The following IPO11 variants were observed in gnomAD, a reference collection of about 807,000 sequenced individuals.
IPO11 encodes the protein importin-11.
In IPO11, 66 loss-of-function variants were observed where a neutral mutation model predicts 143.2. That is an observed-to-expected ratio of 0.46 (90% CI 0.38 to 0.57). The LOEUF (loss-of-function observed/expected upper bound fraction) is 0.57, where lower values mean the gene tolerates loss of function less well. Among genes scored for constraint, IPO11 ranks in the 20% least tolerant of loss-of-function variants. The pLI is 0.00. For synonymous variants in IPO11, 385 were observed against 377.8 expected, an observed-to-expected ratio of 1.02 and a Z score of -0.22; for missense variants, 1,026 against 1,141.0, an observed-to-expected ratio of 0.90 and a Z score of 1.45.
At chr5:62,494,301 C>CT (rs1741051176) in intron 16 of IPO11, among the ~76,000 whole-genome samples, 177 bp downstream of exon 16, 1 of 151,684 alleles carries the variant, frequency 6.6e-6, no homozygotes, top group Non-Finnish European at 1.5e-5. Flanking sequence ...CTTGTTTGCC[C>CT]TTCCCATTAC....
chr5:62,441,163 TGTTGA>T (rs767398511), intron 2 of IPO11, among the ~76,000 whole-genome samples: 6 of 152,172 alleles, frequency 3.9e-5, no homozygotes, highest in Non-Finnish European at 7.4e-5. Context: ...TAATGGTTAA[TGTTGA>T]GTTGAGATTA....
chr5:62,596,799 G>C (rs1385108745), intron 28 of IPO11, among the ~76,000 whole-genome samples: 2 of 152,006 alleles, frequency 1.3e-5, no homozygotes, highest in East Asian at 3.9e-4. Flanking sequence ...ATTAAAAGCT[G>C]AGTTTCTTAC....
At chr5:62,437,010 C>A (rs1485736556) in intron 1 of IPO11, among the ~76,000 whole-genome samples, 3 of 152,004 alleles carry the variant, frequency 2.0e-5, no homozygotes, top group African/African-American at 7.2e-5. Flanking sequence ...GTGTATCTCC[C>A]CTCCCTCAAT....
chr5:62,565,252 G>A (rs993466189), intron 27 of IPO11, among the ~76,000 whole-genome samples: 4 of 152,180 alleles, frequency 2.6e-5, no homozygotes, highest in Admixed American at 6.6e-5. Flanking sequence ...TTTGGAGGCC[G>A]AGGCAGGCAG....
Position 62,474,443 on chromosome 5 carries a change from C to T in IPO11, c.736C>T (p.Leu246=), listed in dbSNP as rs142408263. The change falls in exon 8 of 30, where the codon CTA becomes TTA. Residue 246 remains leucine (L), a synonymous_variant. Coordinates refer to ENST00000325324, the MANE Select transcript of IPO11 (RefSeq NM_016338.5). ...TTTTTTACATGGAATATTTGAACGT[C>T]TAAAACAGTTTCTGGAATGCAGTAA... is the stretch of plus-strand genomic sequence containing the variant. ...MGFLHGIFER[L]KQFLECSRSI... is the part of the protein sequence containing the mutation. 3.5e-4 allele frequency: 547 copies of T among 1,575,852 alleles called. 3 individuals are homozygous for T. In the African/African-American group the frequency reaches 6.6e-3, roughly 19 times the overall value.
chr5:62,566,136 A>G (rs1231238090), intron 27 of IPO11, among the ~76,000 whole-genome samples: 2 of 152,168 alleles, frequency 1.3e-5, no homozygotes, highest in African/African-American at 2.4e-5. Context: ...TCCTTTTGGT[A>G]TATACCCAGT....
In IPO11 at chr5:62,511,602, A is replaced by T. The variant is rs960636022; in HGVS notation, c.1783-3786A>T. ...CACAGGAGAGGGGAGCAAATTCTGT[A>T]GTTGTTTGGCTACCCTTTTAGAGTA... is the stretch of plus-strand genomic sequence containing the variant. On this transcript the variant is annotated intron_variant, in intron 19 of 29. Coordinates refer to ENST00000325324, the MANE Select transcript of IPO11 (RefSeq NM_016338.5). Among the ~76,000 whole-genome samples the T allele has an allele frequency of 2.0e-5, 3 of 152,316 alleles. No homozygotes were observed. In the East Asian group the frequency reaches 5.8e-4, roughly 29 times the overall value.
rs543410791 is a variant in IPO11, at chr5:62,474,347, C to G, written c.709-69C>G. 5.4e-6 allele frequency: 5 copies of G among 927,900 alleles called. No homozygotes were observed. In the African/African-American group the frequency reaches 7.0e-5, roughly 13 times the overall value. 57.5% of individuals were successfully genotyped at this position (927,900 alleles called of 1,614,324 possible). ...GATGTGATAGATTTGTTTTGGTATC[C>G]CTGAAAAAGATACAAGGTAAATGTT... On this transcript the variant is annotated intron_variant, in intron 7 of 29. Transcript: ENST00000325324.
At chr5:62,449,089 A>C (rs1267084850) in intron 3 of IPO11, among the ~76,000 whole-genome samples, 1 of 152,212 alleles carries the variant, frequency 6.6e-6, no homozygotes, top group East Asian at 1.9e-4. Context: ...GCTGGAGTGC[A>C]GTGGTGCAAT....
chr5:62,589,587 A>G (rs1744935748), intron 27 of IPO11, among the ~76,000 whole-genome samples: 1 of 152,102 alleles, frequency 6.6e-6, no homozygotes, highest in South Asian at 2.1e-4. Context: ...ATGTCCACCA[A>G]ACCATTTCAG....
At chr5:62,515,266 T>G in intron 19 of IPO11, 122 bp from the exon 20 acceptor site, 2 of 548,812 alleles carry the variant, frequency 3.6e-6, no homozygotes, top group Non-Finnish European at 6.4e-6. Flanking sequence ...CTTAATACAT[T>G]ACATCTAATA....
At chr5:62,543,652 A>AT (rs1395160272) in intron 24 of IPO11, among the ~76,000 whole-genome samples, 2 of 152,144 alleles carry the variant, frequency 1.3e-5, no homozygotes, top group South Asian at 2.1e-4. Flanking sequence ...GGATTTATTG[A>AT]TTTTTTGAAG....
intron 26 of IPO11, among the ~76,000 whole-genome samples, chr5:62,555,241 G>T (rs550932630): frequency 6.6e-6 from 1 of 150,966 alleles, no homozygotes; most frequent in East Asian, 1.9e-4. Context: ...CACGAACATG[G>T]TGTGTCTTTT....
intron 15 of IPO11, among the ~76,000 whole-genome samples, chr5:62,493,272 G>A (rs1472515666): frequency 6.6e-6 from 1 of 152,092 alleles, no homozygotes; most frequent in Admixed American, 6.6e-5. Context: ...AATCTTCATA[G>A]TATTAACAGA....
chr5:62,444,603 C>G (rs372741711), intron 3 of IPO11, among the ~76,000 whole-genome samples: 1 of 151,768 alleles, frequency 6.6e-6, no homozygotes, highest in Non-Finnish European at 1.5e-5. Flanking sequence ...TGGCTGGGCA[C>G]GGTGGCTCAC....
Position 62,627,378 on chromosome 5 carries a change from G to A in IPO11, c.*60G>A, listed in dbSNP as rs528602246. On this transcript the variant is annotated 3_prime_UTR_variant, in exon 30 of 30. Coordinates refer to ENST00000325324, the MANE Select transcript of IPO11 (RefSeq NM_016338.5). The stretch of plus-strand genomic sequence containing the variant: ...AACAAGCTGAGTAACCCAGCCTGCC[G>A]TTTGTATGTGAGAGCCTGCTGAGAT... 39 of 1,512,476 alleles carry A rather than the reference G, an allele frequency of 2.6e-5. No individual in the cohort carries two copies. Among genetic ancestry groups the A allele is most frequent in the East Asian group, 1.8e-4 (8 of 43,718 alleles). 93.7% of individuals were successfully genotyped at this position (1,512,476 alleles called of 1,614,324 possible). A position where few individuals can be genotyped will look rare whatever the true frequency, so the allele number is the denominator to read the frequency against.
At chr5:62,504,972 A>G in intron 18 of IPO11, 74 bp downstream of exon 18, 1 of 812,358 alleles carries the variant, frequency 1.2e-6, no homozygotes, top group South Asian at 1.9e-5. Context: ...TATTTTATAC[A>G]TGAAATTATC....
At chr5:62,428,841 ATTTTTTG>A (rs1387423947) in intron 1 of IPO11, among the ~76,000 whole-genome samples, 3 of 151,588 alleles carry the variant, frequency 2.0e-5, no homozygotes, top group Non-Finnish European at 4.4e-5. Context: ...TTTGTTTTTT[ATTTTTTG>A]TAGAGTTGAG....
chr5:62,612,161 G>T (rs1745946366), intron 29 of IPO11, among the ~76,000 whole-genome samples: 2 of 151,972 alleles, frequency 1.3e-5, no homozygotes, highest in South Asian at 4.2e-4. Context: ...CTGTTCTGGT[G>T]CTTGATTTTT....
Sources: allele counts gnomAD v4.1 joint callset (sites outside exome capture counted in the v4.1 genomes callset), GRCh38; gene constraint gnomAD v4.1.1; transcripts MANE v1.5; gene names NCBI Gene and HGNC (gene_info 2026-07-23, HGNC 2026-07-21).